FRMD4A: variants seen among roughly 807,000 people sequenced by gnomAD.
FRMD4A encodes FERM domain-containing protein 4A.
A neutral mutation model predicts 129.1 loss-of-function variants in FRMD4A; 29 were observed. The ratio of observed to expected loss-of-function variants is 0.22; its 90% CI spans 0.17 to 0.31. The LOEUF is 0.31. Ranked by LOEUF, FRMD4A falls within the 10% of genes least tolerant of loss-of-function variation. FRMD4A has a pLI of 1.00. For synonymous variants in FRMD4A, 634 were observed against 571.6 expected (o/e 1.11, Z -1.56); for missense variants, 1,272 against 1,375.8 (o/e 0.92, Z 1.19).
chr10:14,002,928 C>T (rs188591499), intron 2 of FRMD4A, among the ~76,000 whole-genome samples: 75 of 152,198 alleles, frequency 4.9e-4, no homozygotes, highest in African/African-American at 1.5e-3. Context: ...AACATGTCCA[C>T]GCATGGTTGG....
rs1029916260 is a variant in FRMD4A at position 13,821,385 on chromosome 10, C to A, written c.112-10477G>T. Among the ~76,000 whole-genome samples the A allele has an allele frequency of 6.6e-6, 1 of 152,106 alleles. No individual in the cohort carries two copies. The highest frequency in any genetic ancestry group is 1.5e-5 in the Non-Finnish European group (1 of 68,008). On this transcript the variant is annotated intron_variant, in intron 3 of 24. Coordinates refer to ENST00000357447, the MANE Select transcript of FRMD4A (RefSeq NM_018027.5). The surrounding 1 kb of genome is among the most constrained non-coding windows in gnomAD (Gnocchi z 4.3). ...GCACCCAGAACAGGTAGGAGAGACC[C>A]CGAAGCCAAGATCAGAGACCCGCCT...
At chr10:14,098,774 G>C (rs1225545598) in intron 2 of FRMD4A, among the ~76,000 whole-genome samples, 4 of 152,140 alleles carry the variant, frequency 2.6e-5, no homozygotes, top group African/African-American at 9.7e-5. Context: ...CACCCATGTG[G>C]ACAACTTTGT....
intron 2 of FRMD4A, among the ~76,000 whole-genome samples, chr10:13,862,938 G>GT (rs34188957): frequency 0.033 from 4,822 of 144,598 alleles, 101 homozygotes; most frequent in Admixed American, 0.046. Flanking sequence ...GTTCTGTTTT[G>GT]TTTTTTTTTT....
chr10:14,180,376 C>T (rs1309526779), intron 2 of FRMD4A, among the ~76,000 whole-genome samples: 1 of 152,210 alleles, frequency 6.6e-6, no homozygotes, highest in East Asian at 1.9e-4. Context: ...TTGCCACCCT[C>T]TCTTTTTCCC....
At chr10:13,749,887 G>A (rs572014222) in intron 8 of FRMD4A, among the ~76,000 whole-genome samples, 1 of 151,662 alleles carries the variant, frequency 6.6e-6, no homozygotes, top group Admixed American at 6.6e-5. Context: ...TACCCAGGAT[G>A]AGGTTGCAGT....
At chr10:13,993,945 T>G (rs1021047366) in intron 2 of FRMD4A, among the ~76,000 whole-genome samples, 4 of 151,894 alleles carry the variant, frequency 2.6e-5, no homozygotes, top group African/African-American at 9.7e-5. Flanking sequence ...TGTAGCAAGA[T>G]GTTTCCTTTT....
intron 2 of FRMD4A, among the ~76,000 whole-genome samples, chr10:14,190,711 G>A (rs979020464): frequency 1.3e-5 from 2 of 152,154 alleles, no homozygotes; most frequent in Admixed American, 1.3e-4. Flanking sequence ...GAAAAGAAAA[G>A]CTTTATATTG....
chr10:14,226,076 G>A (rs1843425140), intron 2 of FRMD4A, among the ~76,000 whole-genome samples: 1 of 152,094 alleles, frequency 6.6e-6, no homozygotes, highest in Admixed American at 6.6e-5. Flanking sequence ...CAAAGTTACA[G>A]TAACGTTCTC....
At chr10:13,773,833 T>G (rs1422173956) in intron 6 of FRMD4A, among the ~76,000 whole-genome samples, 1 of 152,144 alleles carries the variant, frequency 6.6e-6, no homozygotes, top group African/African-American at 2.4e-5. Flanking sequence ...GTCCGCTGCC[T>G]CCTGCAGGGG....
intron 2 of FRMD4A, chr10:13,991,682 A>G (rs1268519760): frequency 6.6e-6 from 1 of 152,648 alleles, no homozygotes; most frequent in Admixed American, 6.5e-5. Context: ...CTGCCAAGAG[A>G]AGGGAAGTAG....
chr10:13,715,954 C>A (rs965033805), intron 12 of FRMD4A, among the ~76,000 whole-genome samples: 1 of 151,418 alleles, frequency 6.6e-6, no homozygotes, highest in Admixed American at 6.6e-5. Flanking sequence ...CATTCCCCTC[C>A]GTCAATTACA....
intron 2 of FRMD4A, among the ~76,000 whole-genome samples, chr10:14,220,139 T>TTTGCCC (rs1179999005): frequency 4.6e-5 from 7 of 152,192 alleles, no homozygotes; most frequent in Non-Finnish European, 1.5e-5. Context: ...TTAGCATCCA[T>TTTGCCC]TTGCCCTTGC....
At position 14,019,731 on chromosome 10, in the gene FRMD4A, G is replaced by C. The variant is rs566390047; in HGVS notation, c.46-160819C>G. ...GCCAGATCAGATGGACAGTGATGGGGCTGATGCCTTTGAGAACGTGCCCAT... is the reference window on the plus strand; with the variant it reads ...GCCAGATCAGATGGACAGTGATGGGCCTGATGCCTTTGAGAACGTGCCCAT... On this transcript the variant is annotated intron_variant, in intron 2 of 24. Transcript: ENST00000357447. Among the ~76,000 whole-genome samples the C allele has an allele frequency of 1.5e-3, 223 of 152,360 alleles. 3 individuals are homozygous for C. Among genetic ancestry groups the C allele is most frequent in the Non-Finnish European group, 1.2e-3 (81 of 68,036 alleles).
At chr10:13,928,895 G>A (rs1406470) in intron 2 of FRMD4A, among the ~76,000 whole-genome samples, 1 of 152,214 alleles carries the variant, frequency 6.6e-6, no homozygotes, top group African/African-American at 2.4e-5. Flanking sequence ...TAATGAGAAG[G>A]AGGAGGCCTC....
rs1212992678 is a variant in FRMD4A, at chr10:13,821,329, A to G, written c.112-10421T>C. On this transcript the variant is annotated intron_variant, in intron 3 of 24. Transcript: ENST00000357447. The surrounding 1 kb of genome is among the most constrained non-coding windows in gnomAD (Gnocchi z 4.3). ...TTCCTGTAGGCAGACGGGTGTGAAG[A>G]ACAATGGAGTTGCACTGTCTTGGCT... 6.6e-6 allele frequency among the ~76,000 whole-genome samples: 1 copy of G among 152,076 alleles called. No individual in the cohort carries two copies. Among genetic ancestry groups the G allele is most frequent in the Non-Finnish European group, 1.5e-5 (1 of 68,002 alleles).
intron 2 of FRMD4A, among the ~76,000 whole-genome samples, chr10:14,269,183 T>G (rs776082076): frequency 1.3e-5 from 2 of 152,176 alleles, no homozygotes; most frequent in East Asian, 3.8e-4. Context: ...GCATCAGTAA[T>G]GCATCTATTC....
intron 6 of FRMD4A, among the ~76,000 whole-genome samples, chr10:13,779,637 G>C (rs1035527317): frequency 2.6e-5 from 4 of 152,170 alleles, no homozygotes; most frequent in Admixed American, 2.6e-4. Flanking sequence ...TAGTCAGCTG[G>C]TGTATACCTC....
chr10:13,966,566 C>T (rs2095486440), intron 2 of FRMD4A, among the ~76,000 whole-genome samples: 2 of 152,216 alleles, frequency 1.3e-5, no homozygotes, highest in African/African-American at 4.8e-5. Context: ...CACTCACACA[C>T]AGCCATGGTT....
At chr10:14,006,524 G>C (rs1406004637) in intron 2 of FRMD4A, among the ~76,000 whole-genome samples, 1 of 152,114 alleles carries the variant, frequency 6.6e-6, no homozygotes, top group Non-Finnish European at 1.5e-5. Flanking sequence ...ACTTTATCTG[G>C]AGAACATAAT....
Sources: allele counts gnomAD v4.1 joint callset (sites outside exome capture counted in the v4.1 genomes callset), GRCh38; gene constraint gnomAD v4.1.1; non-coding constraint Gnocchi (gnomAD v3.1); transcripts MANE v1.5; gene names NCBI Gene and HGNC (gene_info 2026-07-23, HGNC 2026-07-21).